SBF2: variants seen among roughly 807,000 people sequenced by gnomAD.
The protein encoded by SBF2 is myotubularin-related protein 13.
SBF2 carries 112 observed loss-of-function variants against 225.2 expected under a neutral mutation model. The observed-to-expected ratio is 0.50, with a 90% CI of 0.43 to 0.58. The LOEUF (loss-of-function observed/expected upper bound fraction) is 0.58. Among genes scored for constraint, SBF2 ranks in the 20% least tolerant of loss-of-function variants. SBF2 has a pLI of 0.00. For synonymous variants in SBF2, 763 were observed against 773.3 expected, an observed-to-expected ratio of 0.99 and a Z score of 0.22; for missense variants, 1,996 against 2,206.2, an observed-to-expected ratio of 0.90 and a Z score of 1.91.
At chr11:10,021,379 A>G (rs1948851183) in intron 6 of SBF2, among the ~76,000 whole-genome samples, 1 of 152,164 alleles carries the variant, frequency 6.6e-6, no homozygotes, top group Admixed American at 6.5e-5. Context: ...AAATCCCAGC[A>G]TTGTTAGTAC....
At chr11:10,046,741 G>A (rs183118060) in intron 2 of SBF2, among the ~76,000 whole-genome samples, 35 of 151,780 alleles carry the variant, frequency 2.3e-4, no homozygotes, top group Non-Finnish European at 1.5e-5. Flanking sequence ...TTTCACCACT[G>A]CTTCTCAATA....
At chr11:10,026,577 A>G (rs893560325) in intron 6 of SBF2, among the ~76,000 whole-genome samples, 1 of 152,072 alleles carries the variant, frequency 6.6e-6, no homozygotes, top group Non-Finnish European at 1.5e-5. Flanking sequence ...TAAAACAAAA[A>G]AATTAAAAAA....
At chr11:10,275,834 ACTT>A (rs1423147937) in intron 1 of SBF2, among the ~76,000 whole-genome samples, 2 of 152,166 alleles carry the variant, frequency 1.3e-5, no homozygotes, top group African/African-American at 4.8e-5. Flanking sequence ...CTACTAGGTG[ACTT>A]CTTAAGTCAA....
At chr11:10,264,692 G>A (rs986720426) in intron 1 of SBF2, among the ~76,000 whole-genome samples, 1 of 151,884 alleles carries the variant, frequency 6.6e-6, no homozygotes, top group East Asian at 1.9e-4. Flanking sequence ...CTATCAACTC[G>A]TCACCTACAT....
chr11:9,869,608 T>C (rs543706015), intron 17 of SBF2, among the ~76,000 whole-genome samples: 60 of 152,342 alleles, frequency 3.9e-4, no homozygotes, highest in African/African-American at 1.3e-3. Context: ...AACCACATGA[T>C]TATCTCAATA....
chr11:9,833,506 C>T (rs1488399787), intron 26 of SBF2, among the ~76,000 whole-genome samples: 29 of 150,466 alleles, frequency 1.9e-4, no homozygotes, highest in African/African-American at 6.8e-4. Flanking sequence ...TTGCAAGCTC[C>T]GCCTCCCGGG....
intron 1 of SBF2, among the ~76,000 whole-genome samples, chr11:10,224,827 T>C (rs1032548980): frequency 5.3e-5 from 8 of 152,178 alleles, no homozygotes; most frequent in Non-Finnish European, 1.0e-4. Flanking sequence ...GTGTTGTTGT[T>C]TTGTTTTGCT....
At chr11:10,124,499 G>A (rs1024133658) in intron 2 of SBF2, among the ~76,000 whole-genome samples, 1 of 152,076 alleles carries the variant, frequency 6.6e-6, no homozygotes, top group Non-Finnish European at 1.5e-5. Flanking sequence ...AATTTTCCTG[G>A]AAAGGTGAAC....
In SBF2 at chr11:9,816,884, G is replaced by C. The variant is rs777001436; in HGVS notation, c.3934C>G (p.Arg1312Gly). ...CCAAATATGTAAAGGGCTGCTTGCC[G>C]TTTCAAGAGCTGGTTTTGTAGGTAG... ...SSYLQNQLLK[R>G]QAALYIFGEK... The change falls in exon 29 of 40, where the codon CGG (arginine) becomes GGG (glycine). Residue 1312 changes from arginine (R) to glycine (G), a missense_variant. Coordinates refer to ENST00000256190, the MANE Select transcript of SBF2 (RefSeq NM_030962.4). 2 of 1,614,180 alleles carry C rather than the reference G, an allele frequency of 1.2e-6. No individual in the cohort carries two copies. The highest frequency in any genetic ancestry group is 3.3e-5 in the Admixed American group (2 of 60,010).
chr11:10,031,894 C>T (rs1176270315), intron 3 of SBF2, among the ~76,000 whole-genome samples: 1 of 152,164 alleles, frequency 6.6e-6, no homozygotes, highest in Non-Finnish European at 1.5e-5. Context: ...AGGCACACTC[C>T]ACCACGCCAG....
intron 15 of SBF2, among the ~76,000 whole-genome samples, chr11:9,962,766 G>T (rs553246481): frequency 8.8e-4 from 134 of 152,194 alleles, no homozygotes; most frequent in African/African-American, 3.1e-3. Flanking sequence ...ATAATAATAA[G>T]CTTATTTAGC....
intron 17 of SBF2, among the ~76,000 whole-genome samples, chr11:9,861,307 G>A (rs1300263282): frequency 6.6e-6 from 1 of 152,096 alleles, no homozygotes; most frequent in Non-Finnish European, 1.5e-5. Context: ...GGATTCTCCC[G>A]CCTTAACCTC....
At chr11:9,957,213 G>C (rs189479680) in intron 16 of SBF2, 3 of 152,096 alleles carry the variant, frequency 2.0e-5, no homozygotes, top group Non-Finnish European at 4.4e-5. Flanking sequence ...GTAACATGTC[G>C]TCTGTTAACT....
At chr11:10,065,735 T>C (rs1446214633) in intron 2 of SBF2, among the ~76,000 whole-genome samples, 3 of 152,186 alleles carry the variant, frequency 2.0e-5, no homozygotes, top group East Asian at 3.9e-4. Flanking sequence ...GTGGATCACT[T>C]GAGGTCAGGA....
chr11:10,119,558 G>A (rs918048288), intron 2 of SBF2, among the ~76,000 whole-genome samples: 3 of 152,038 alleles, frequency 2.0e-5, no homozygotes, highest in African/African-American at 4.8e-5. Context: ...GTATACACTG[G>A]TCAAAGTCAT....
intron 1 of SBF2, among the ~76,000 whole-genome samples, chr11:10,251,217 C>CAAG (rs1960313970): frequency 6.6e-6 from 1 of 152,178 alleles, no homozygotes; most frequent in South Asian, 2.1e-4. Context: ...AGTCAAAACT[C>CAAG]TCTTAACCCA....
At chr11:9,889,955 G>A (rs1208912939) in intron 17 of SBF2, among the ~76,000 whole-genome samples, 9 of 152,098 alleles carry the variant, frequency 5.9e-5, no homozygotes, top group Admixed American at 5.9e-4. Flanking sequence ...CCAGGCTGGA[G>A]TGCAATGGCG....
chr11:10,007,435 C>T (rs769356108), intron 6 of SBF2, among the ~76,000 whole-genome samples: 6 of 152,088 alleles, frequency 3.9e-5, no homozygotes, highest in Non-Finnish European at 5.9e-5. Context: ...ACAAGCTCCA[C>T]GACCAGGAAT....
chr11:10,193,348 CATCT>C, intron 2 of SBF2, among the ~76,000 whole-genome samples: 1 of 137,404 alleles, frequency 7.3e-6, no homozygotes, highest in Non-Finnish European at 1.6e-5. Context: ...TCATCAATTT[CATCT>C]TTTTTTTTTT....
Sources: allele counts gnomAD v4.1 joint callset (sites outside exome capture counted in the v4.1 genomes callset), GRCh38; gene constraint gnomAD v4.1.1; transcripts MANE v1.5; gene names NCBI Gene and HGNC (gene_info 2026-07-23, HGNC 2026-07-21).